Variants in DLC1 observed in about 807,000 individuals in gnomAD.
DLC1 encodes rho GTPase-activating protein 7.
DLC1 carries 54 observed loss-of-function variants against 140.3 expected under a neutral mutation model. The ratio of observed to expected loss-of-function variants is 0.38; its 90% confidence interval spans 0.31 to 0.48. The LOEUF is 0.48. Ranked by LOEUF, DLC1 falls within the 20% of genes least tolerant of loss-of-function variation. DLC1 has a pLI of 0.96. For synonymous variants in DLC1, 986 were observed against 728.1 expected, an observed-to-expected ratio of 1.35 and a Z score of -5.70; for missense variants, 2,536 against 1,907.0, an observed-to-expected ratio of 1.33 and a Z score of -6.14.
chr8:13,557,644 C>G (rs1225386956), intron 1 of DLC1: 1 of 152,260 alleles, frequency 6.6e-6, no homozygotes, highest in East Asian at 1.9e-4. Flanking sequence ...TTCCTCCTGT[C>G]ACCTTGTGAA....
intron 4 of DLC1, among the ~76,000 whole-genome samples, chr8:13,355,895 T>C (rs1236803659): frequency 2.0e-5 from 3 of 151,400 alleles, no homozygotes; most frequent in East Asian, 2.0e-4. Flanking sequence ...CCATCTTGGC[T>C]AACATGGTGA....
chr8:13,549,175 T>G (rs905086597), intron 1 of DLC1, among the ~76,000 whole-genome samples: 2 of 151,962 alleles, frequency 1.3e-5, no homozygotes, highest in African/African-American at 4.8e-5. Flanking sequence ...TAAGTAGAAA[T>G]TAAATCAGGT....
chr8:13,571,683 C>A (rs1249086207), intron 1 of DLC1, among the ~76,000 whole-genome samples: 1 of 152,196 alleles, frequency 6.6e-6, no homozygotes, highest in Admixed American at 6.5e-5. Flanking sequence ...ATACAAGTAT[C>A]TGTTTGTGCA....
chr8:13,172,706 G>A (rs1421539246), intron 5 of DLC1, among the ~76,000 whole-genome samples: 1 of 152,188 alleles, frequency 6.6e-6, no homozygotes, highest in African/African-American at 2.4e-5. Context: ...GGTTGTTTCT[G>A]TTTCAGTATC....
chr8:13,261,540 C>T (rs567005669), intron 5 of DLC1, among the ~76,000 whole-genome samples: 2 of 152,104 alleles, frequency 1.3e-5, no homozygotes, highest in African/African-American at 2.4e-5. Flanking sequence ...GAATGAATTA[C>T]AGGAGGTGGG....
At chr8:13,332,578 C>G (rs1430789491) in intron 4 of DLC1, among the ~76,000 whole-genome samples, 3 of 150,932 alleles carry the variant, frequency 2.0e-5, no homozygotes, top group Non-Finnish European at 4.4e-5. Context: ...TTACAGATGT[C>G]CACCACCACG....
intron 5 of DLC1, among the ~76,000 whole-genome samples, chr8:13,271,532 A>G (rs962924017): frequency 2.0e-5 from 3 of 152,230 alleles, no homozygotes; most frequent in African/African-American, 7.2e-5. Flanking sequence ...ACACTCCGCA[A>G]AATACCTCAG....
rs1563204477 is a variant in DLC1 at position 13,259,161 on chromosome 8, AG to A, written c.1348+46107del. ...CAAGAAAAAAAAAAAAAAAAAAAAGAGAAAATCAAAAGATTAAAAATTACAA... is the reference window on the plus strand; with the variant it reads ...CAAGAAAAAAAAAAAAAAAAAAAAGAAAAATCAAAAGATTAAAAATTACAA... On this transcript the variant is annotated intron_variant, in intron 5 of 17. Coordinates refer to ENST00000276297, the MANE Select transcript of DLC1 (RefSeq NM_182643.3). Among the ~76,000 whole-genome samples the A allele has an allele frequency of 1.5e-3, 222 of 148,838 alleles. 2 individuals carry two copies. Among genetic ancestry groups the A allele is most frequent in the African/African-American group, 5.3e-3 (214 of 40,576 alleles).
intron 1 of DLC1, among the ~76,000 whole-genome samples, chr8:13,595,198 C>G (rs1026570188): frequency 1.3e-5 from 2 of 151,958 alleles, no homozygotes; most frequent in Non-Finnish European, 2.9e-5. Context: ...CTCCTATTCC[C>G]AAATGAAAGG....
intron 2 of DLC1, among the ~76,000 whole-genome samples, chr8:13,406,564 G>T (rs1318099894): frequency 2.6e-5 from 4 of 152,094 alleles, no homozygotes; most frequent in Non-Finnish European, 4.4e-5. Context: ...ATGATGTGGT[G>T]CCCATGTTCT....
intron 5 of DLC1, among the ~76,000 whole-genome samples, chr8:13,209,384 A>G (rs995500418): frequency 1.3e-5 from 2 of 152,208 alleles, no homozygotes; most frequent in African/African-American, 4.8e-5. Context: ...CAATAACATC[A>G]TGATGAGATA....
chr8:13,358,521 C>G (rs776671457), intron 4 of DLC1, among the ~76,000 whole-genome samples: 3 of 152,094 alleles, frequency 2.0e-5, no homozygotes, highest in Non-Finnish European at 2.9e-5. Context: ...TAGTATTTTT[C>G]TAGTCTACAG....
chr8:13,465,702 G>C (rs1185665852), intron 2 of DLC1, among the ~76,000 whole-genome samples: 1 of 151,892 alleles, frequency 6.6e-6, no homozygotes, highest in African/African-American at 2.4e-5. Context: ...TCCTTATACT[G>C]TGTTTCTCTA....
At chr8:13,178,815 G>A (rs983041743) in intron 5 of DLC1, among the ~76,000 whole-genome samples, 5 of 152,056 alleles carry the variant, frequency 3.3e-5, no homozygotes, top group Non-Finnish European at 4.4e-5. Flanking sequence ...TGGAGCAAAC[G>A]AAACTCTTAT....
chr8:13,180,618 A>C (rs903938777), intron 5 of DLC1, among the ~76,000 whole-genome samples: 3 of 152,094 alleles, frequency 2.0e-5, no homozygotes, highest in Admixed American at 1.3e-4. Context: ...CTTACAGTGC[A>C]TCATGTAGAA....
At chr8:13,274,321 CA>C (rs1303290299) in intron 5 of DLC1, among the ~76,000 whole-genome samples, 2 of 152,164 alleles carry the variant, frequency 1.3e-5, no homozygotes, top group Non-Finnish European at 2.9e-5. Flanking sequence ...CCCCCAAAAT[CA>C]AAGTCAGTTG....
chr8:13,552,052 T>C lies in DLC1; in HGVS notation c.-125-51856A>G, dbSNP rs555410411. Among the ~76,000 whole-genome samples, 90 of 140,542 alleles carry C rather than the reference T, an allele frequency of 6.4e-4. 2 individuals carry two copies. In the South Asian group the frequency reaches 0.015, roughly 23 times the overall value. 92.2% of individuals were successfully genotyped at this position (140,542 alleles called of 152,430 possible). On this transcript the variant is annotated intron_variant, in intron 1 of 1. Coordinates refer to the DLC1 transcript ENST00000631382. ...ATATGTGTGTGTGTATATATATATA[T>C]ACACATATATATATATACCTCTTTC... is the stretch of plus-strand genomic sequence containing the variant.
chr8:13,145,477 C>T (rs1823353099), intron 5 of DLC1, among the ~76,000 whole-genome samples: 1 of 152,114 alleles, frequency 6.6e-6, no homozygotes, highest in Non-Finnish European at 1.5e-5. Context: ...TTTACATTCA[C>T]ATTAAAGCTA....
chr8:13,453,939 G>T (rs547139348), intron 2 of DLC1, among the ~76,000 whole-genome samples: 9 of 152,074 alleles, frequency 5.9e-5, no homozygotes, highest in Non-Finnish European at 1.3e-4. Flanking sequence ...CAATTAAAAT[G>T]AGAATATACT....
Sources: allele counts gnomAD v4.1 joint callset (sites outside exome capture counted in the v4.1 genomes callset), GRCh38; gene constraint gnomAD v4.1.1; transcripts MANE v1.5; gene names NCBI Gene and HGNC (gene_info 2026-07-23, HGNC 2026-07-21).